The following FAM117B variants were observed in gnomAD, a reference collection of about 807,000 sequenced individuals.
The protein encoded by FAM117B is protein FAM117B.
In FAM117B, 22 loss-of-function variants were observed where a neutral mutation model predicts 52.8. The observed-to-expected ratio is 0.42, with a 90% CI of 0.30 to 0.59. The LOEUF (loss-of-function observed/expected upper bound fraction) is 0.59, where lower values mean the gene tolerates loss of function less well. FAM117B is among the 20% of genes least tolerant of loss of function. FAM117B has a pLI of 0.22. For missense variants in FAM117B, 678 were observed against 802.6 expected (o/e 0.84, Z 1.88); for synonymous variants, 309 against 324.1 (o/e 0.95, Z 0.50).
chr2:202,692,487 G>A (rs1403448903), intron 1 of FAM117B, among the ~76,000 whole-genome samples: 1 of 152,132 alleles, frequency 6.6e-6, no homozygotes, highest in Non-Finnish European at 1.5e-5. Context: ...AAGAGAGCAT[G>A]CAATTTTTCA....
intron 2 of FAM117B, among the ~76,000 whole-genome samples, chr2:202,719,720 A>T (rs947898853): frequency 2.6e-5 from 4 of 152,180 alleles, no homozygotes; most frequent in African/African-American, 9.6e-5. Flanking sequence ...TGTTCTCTGT[A>T]GCAATTTCCC....
At chr2:202,705,028 C>T (rs896334690) in intron 2 of FAM117B, among the ~76,000 whole-genome samples, 3 of 151,404 alleles carry the variant, frequency 2.0e-5, no homozygotes, top group Non-Finnish European at 4.4e-5. Context: ...TTAAGAGGGC[C>T]GGGCGCAGTG....
At chr2:202,687,676 A>G (rs1488689591) in intron 1 of FAM117B, among the ~76,000 whole-genome samples, 1 of 152,148 alleles carries the variant, frequency 6.6e-6, no homozygotes, top group East Asian at 1.9e-4. Context: ...CTCCCATAGC[A>G]TTGGGATTAC....
At chr2:202,662,792 C>T (rs555542468) in intron 1 of FAM117B, among the ~76,000 whole-genome samples, 5 of 151,878 alleles carry the variant, frequency 3.3e-5, no homozygotes, top group African/African-American at 9.7e-5. Flanking sequence ...TGCAGTGAGC[C>T]GAGATCATGC....
chr2:202,666,551 C>T (rs1690206767), intron 1 of FAM117B, among the ~76,000 whole-genome samples: 2 of 151,698 alleles, frequency 1.3e-5, no homozygotes, highest in South Asian at 4.2e-4. Context: ...TTTGACACTG[C>T]TAGCTGGGTT....
At chr2:202,704,540 G>A (rs1188799618) in intron 2 of FAM117B, among the ~76,000 whole-genome samples, 3 of 152,176 alleles carry the variant, frequency 2.0e-5, no homozygotes, top group African/African-American at 2.4e-5. Context: ...GTAAGTGGGT[G>A]CTTTCAGAAA....
intron 4 of FAM117B, among the ~76,000 whole-genome samples, chr2:202,747,004 T>C (rs1044712471): frequency 2.7e-4 from 39 of 146,894 alleles, no homozygotes; most frequent in African/African-American, 7.7e-4. Context: ...AGTATCCCTA[T>C]TGAACATAGA....
intron 1 of FAM117B, among the ~76,000 whole-genome samples, chr2:202,661,153 C>A (rs985523929): frequency 2.6e-4 from 39 of 152,286 alleles, no homozygotes; most frequent in African/African-American, 7.5e-4. Context: ...TTGTTTTGTT[C>A]CCAAATCTAG....
intron 1 of FAM117B, among the ~76,000 whole-genome samples, chr2:202,689,371 G>A (rs1041354478): frequency 6.6e-6 from 1 of 152,036 alleles, no homozygotes; most frequent in African/African-American, 2.4e-5. Context: ...GAACCTGCGA[G>A]GCTTGAGGTT....
chr2:202,696,990 A>T (rs566891437), intron 2 of FAM117B, among the ~76,000 whole-genome samples: 6 of 152,276 alleles, frequency 3.9e-5, no homozygotes, highest in African/African-American at 1.4e-4. Context: ...AATCACTTGA[A>T]CCTGGGAGGT....
At chr2:202,702,361 C>T (rs1229796296) in intron 2 of FAM117B, among the ~76,000 whole-genome samples, 1 of 151,584 alleles carries the variant, frequency 6.6e-6, no homozygotes, top group Non-Finnish European at 1.5e-5. Flanking sequence ...ATTGCACTCC[C>T]GCCTGGGCGA....
At chr2:202,704,059 CTGAG>C (rs1264143744) in intron 2 of FAM117B, among the ~76,000 whole-genome samples, 1 of 152,146 alleles carries the variant, frequency 6.6e-6, no homozygotes, top group Non-Finnish European at 1.5e-5. Flanking sequence ...ACTAATGGTG[CTGAG>C]TATCTTTTCA....
chr2:202,648,015 A>G (rs1340511394), intron 1 of FAM117B, among the ~76,000 whole-genome samples: 7 of 152,182 alleles, frequency 4.6e-5, no homozygotes, highest in African/African-American at 1.7e-4. Context: ...TTTACCTACC[A>G]GAATGTGTCT....
In FAM117B at chr2:202,767,871, A is replaced by G. The variant is rs1018473149; in HGVS notation, c.*2107A>G. On this transcript the variant is annotated 3_prime_UTR_variant, in exon 8 of 8. Coordinates refer to ENST00000392238, the MANE Select transcript of FAM117B (RefSeq NM_173511.4). ...TTGGTACTTTCTCAATCCAAAACTA[A>G]TTTATTTGGAACTAGTACGTTATGG... 6.6e-5 allele frequency: 10 copies of G among 152,184 alleles called. No homozygotes were observed. The highest frequency in any genetic ancestry group is 2.6e-4 in the Admixed American group (4 of 15,278). 9.4% of individuals were successfully genotyped at this position (152,184 alleles called of 1,614,324 possible). A position where few individuals can be genotyped will look rare whatever the true frequency, so the allele number is the denominator to read the frequency against.
Position 202,696,047 on chromosome 2 carries a change from G to T in FAM117B, c.753+15G>T, listed in dbSNP as rs1289018852. On this transcript the variant is annotated intron_variant, in intron 2 of 7. Transcript: ENST00000392238. ...AAGCTACACAGGTAAGCTTATTATA[G>T]TTCTTATCCTGAAGTGTTTTTCTCT... 2 of 1,608,746 alleles carry T rather than the reference G, an allele frequency of 1.2e-6. No homozygotes were observed. The highest frequency in any genetic ancestry group is 3.4e-5 in the Admixed American group (2 of 58,898).
chr2:202,657,318 C>T (rs1559095818), intron 1 of FAM117B, among the ~76,000 whole-genome samples: 1 of 152,122 alleles, frequency 6.6e-6, no homozygotes, highest in Non-Finnish European at 1.5e-5. Context: ...CAACTCCTGA[C>T]CTCAGGTGAT....
rs1426357891 is a variant in FAM117B at position 202,726,231 on chromosome 2, G to A, written c.847-19G>A. On this transcript the variant is annotated intron_variant, in intron 3 of 7. Transcript: ENST00000392238. ...ATGTAGAAAACACTCTGGTGTACTT[G>A]CTATTTTTGCTTTCTCAGATTGCAA... 6.4e-7 allele frequency: 1 copy of A among 1,566,554 alleles called. No homozygotes were observed. Among genetic ancestry groups the A allele is most frequent in the Non-Finnish European group, 8.8e-7 (1 of 1,138,376 alleles).
intron 2 of FAM117B, among the ~76,000 whole-genome samples, chr2:202,717,348 C>T (rs955850991): frequency 6.6e-6 from 1 of 152,060 alleles, no homozygotes; most frequent in African/African-American, 2.4e-5. Context: ...TGGCATATGC[C>T]TATAGTCTCA....
chr2:202,668,885 C>T (rs2105764816), intron 1 of FAM117B, among the ~76,000 whole-genome samples: 1 of 152,216 alleles, frequency 6.6e-6, no homozygotes, highest in East Asian at 1.9e-4. Flanking sequence ...GGGATTTCAA[C>T]TCATGTCTGC....
Sources: gnomAD v4.1 joint callset for allele counts (sites outside exome capture counted in the v4.1 genomes callset) on GRCh38, gnomAD v4.1.1 for gene constraint, MANE v1.5 for transcripts, NCBI Gene and HGNC (gene_info 2026-07-23, HGNC 2026-07-21) for gene names.